The following PHF20L1 variants were observed in gnomAD, a reference collection of about 807,000 sequenced individuals.
PHF20L1 encodes PHD finger protein 20-like protein 1.
In PHF20L1, 44 loss-of-function variants were observed where a neutral mutation model predicts 125.5. That is an observed-to-expected ratio of 0.35 (90% CI 0.28 to 0.45). PHF20L1 has a LOEUF of 0.45. Among genes scored for constraint, PHF20L1 ranks in the 20% least tolerant of loss-of-function variants. PHF20L1 has a pLI of 1.00. For missense variants in PHF20L1, 1,012 were observed against 1,217.2 expected (o/e 0.83, Z 2.51); for synonymous variants, 380 against 403.1 (o/e 0.94, Z 0.69).
At chr8:132,784,279 G>C (rs976669105) in intron 2 of PHF20L1, among the ~76,000 whole-genome samples, 3 of 151,906 alleles carry the variant, frequency 2.0e-5, no homozygotes, top group Non-Finnish European at 4.4e-5. Context: ...GCTTATCCTA[G>C]TTTTTTTGAA....
At chr8:132,842,439 A>T in intron 18 of PHF20L1, 76 bp from the exon 19 acceptor site, 4 of 1,357,208 alleles carry the variant, frequency 2.9e-6, no homozygotes, top group Non-Finnish European at 4.0e-6. Flanking sequence ...CTAATTCTGA[A>T]ATAGATCATT....
At chr8:132,826,670 C>G (rs887477971) in intron 14 of PHF20L1, 2 of 151,910 alleles carry the variant, frequency 1.3e-5, no homozygotes, top group Non-Finnish European at 2.9e-5. Flanking sequence ...TAAAGAAAAA[C>G]TAGAGAATGA....
At position 132,839,545 on chromosome 8, in the gene PHF20L1, G is replaced by T. The variant is rs765343162; in HGVS notation, c.2350G>T (p.Val784Leu). 6.2e-7 allele frequency: 1 copy of T among 1,613,454 alleles called. No individual in the cohort carries two copies. Among genetic ancestry groups the T allele is most frequent in the Admixed American group, 1.7e-5 (1 of 59,920 alleles). ...LLADVYGVTE[V>L]LHGLQLKIGI... ...TGCTGATGTCTATGGTGTTACAGAAGTGCTACACGGGCTACAGCTGAAGAT... is the reference window on the plus strand; with the variant it reads ...TGCTGATGTCTATGGTGTTACAGAATTGCTACACGGGCTACAGCTGAAGAT... Residue 784 changes from valine (V) to leucine (L), a missense_variant, in exon 18 of 21, where the codon GTG (valine) becomes TTG (leucine). Transcript: ENST00000395386.
chr8:132,803,688 T>A, intron 6 of PHF20L1, 131 bp from the exon 7 acceptor site: 3 of 597,310 alleles, frequency 5.0e-6, no homozygotes, highest in Middle Eastern at 4.3e-4. Flanking sequence ...GTAAATATTG[T>A]TATCTCTATA....
At chr8:132,783,756 C>A (rs1479578606) in intron 2 of PHF20L1, among the ~76,000 whole-genome samples, 1 of 152,060 alleles carries the variant, frequency 6.6e-6, no homozygotes. Flanking sequence ...CCTTTGAAAA[C>A]CAATGCCAGC....
Position 132,814,702 on chromosome 8 carries a change from T to C in PHF20L1, c.996T>C (p.Thr332=), listed in dbSNP as rs372135850. 114 of 1,612,102 alleles carry C rather than the reference T, an allele frequency of 7.1e-5. 1 individual carries two copies. The highest frequency in any genetic ancestry group is 1.3e-5 in the Non-Finnish European group (15 of 1,178,672). ...CTGACATTAGCAGTTCTGCCAACAC[T>C]CAGAAACCTGCACTGTTATCCTCAA... The part of the protein sequence containing the change: ...NEADISSSAN[T]QKPALLSSTL... Residue 332 remains threonine (T), a synonymous_variant, in exon 10 of 21, where the codon ACT becomes ACC. Transcript: ENST00000395386.
chr8:132,833,529 C>G (rs1040101872), intron 15 of PHF20L1, among the ~76,000 whole-genome samples: 2 of 152,014 alleles, frequency 1.3e-5, no homozygotes, highest in African/African-American at 4.8e-5. Flanking sequence ...ATCATGGATC[C>G]TACCATGAGG....
intron 8 of PHF20L1, chr8:132,809,605 G>C (rs970016186): frequency 6.6e-6 from 1 of 152,178 alleles, no homozygotes; most frequent in African/African-American, 2.4e-5. Flanking sequence ...TTTTTCTCCT[G>C]TTAAATATGT....
At chr8:132,815,442 A>G (rs964674973) in intron 10 of PHF20L1, 5 of 151,896 alleles carry the variant, frequency 3.3e-5, no homozygotes, top group Admixed American at 6.6e-5. Flanking sequence ...CACCTTTCAC[A>G]TGGGTATATC....
At position 132,803,988 on chromosome 8, in the gene PHF20L1, A is replaced by G. The variant is rs1833392598; in HGVS notation, c.677A>G (p.Asp226Gly). 2 of 1,612,286 alleles carry G rather than the reference A, an allele frequency of 1.2e-6. No homozygotes were observed. Among genetic ancestry groups the G allele is most frequent in the Non-Finnish European group, 1.7e-6 (2 of 1,178,672 alleles). ...ACTTCAACTTGTATAGCCACACCAGACGTAGAGAAGAAGGAAGATCTGCCT... is the reference window on the plus strand; with the variant it reads ...ACTTCAACTTGTATAGCCACACCAGGCGTAGAGAAGAAGGAAGATCTGCCT... ...EETSTCIATP[D>G]VEKKEDLPTS... Residue 226 changes from aspartate to glycine, a missense_variant, in exon 7 of 21, where the codon GAC becomes GGC. By Grantham distance (94) the Asp-to-Gly change is moderately conservative (BLOSUM62 -1). This residue lies in a region of PHF20L1 where 134 missense variants were observed against 145.9 expected (regional missense o/e 0.92). Transcript: ENST00000395386.
chr8:132,778,217 G>A (rs1448907454), intron 2 of PHF20L1, among the ~76,000 whole-genome samples: 1 of 152,186 alleles, frequency 6.6e-6, no homozygotes, highest in African/African-American at 2.4e-5. Context: ...AGCTGTATTG[G>A]TGGAAGTAGA....
chr8:132,784,478 A>C (rs750156371), intron 2 of PHF20L1, among the ~76,000 whole-genome samples: 1 of 151,996 alleles, frequency 6.6e-6, no homozygotes, highest in Non-Finnish European at 1.5e-5. Flanking sequence ...CATTTTATCA[A>C]TTTTCACCTA....
chr8:132,826,869 T>C (rs1292138267), intron 14 of PHF20L1: 1 of 152,054 alleles, frequency 6.6e-6, no homozygotes, highest in East Asian at 1.9e-4. Context: ...TTATTAGATA[T>C]TTAATAAAAC....
chr8:132,840,393 C>T (rs942696792), intron 18 of PHF20L1, among the ~76,000 whole-genome samples: 2 of 152,058 alleles, frequency 1.3e-5, no homozygotes, highest in African/African-American at 2.4e-5. Context: ...TTCACATGAA[C>T]GATTGCCATG....
At chr8:132,777,310 T>G (rs1448459993) in intron 1 of PHF20L1, among the ~76,000 whole-genome samples, 1 of 152,346 alleles carries the variant, frequency 6.6e-6, no homozygotes, top group South Asian at 2.1e-4. Flanking sequence ...TTGTGTGCTG[T>G]AGGGCCTTAT....
chr8:132,823,652 A>G (rs1445863162), intron 12 of PHF20L1, among the ~76,000 whole-genome samples: 4 of 151,958 alleles, frequency 2.6e-5, no homozygotes, highest in African/African-American at 9.7e-5. Context: ...TGACTCACAT[A>G]ATCCTTATAA....
At chr8:132,786,078 A>G (rs1474988863) in intron 2 of PHF20L1, among the ~76,000 whole-genome samples, 1 of 152,118 alleles carries the variant, frequency 6.6e-6, no homozygotes, top group Non-Finnish European at 1.5e-5. Flanking sequence ...TGGATTGAAA[A>G]CTAAACATAA....
intron 8 of PHF20L1, among the ~76,000 whole-genome samples, chr8:132,806,023 G>C (rs1833651330): frequency 2.0e-5 from 3 of 151,970 alleles, no homozygotes; most frequent in Non-Finnish European, 4.4e-5. Flanking sequence ...CCAGTGCTAT[G>C]TGCTGGGCAG....
At chr8:132,791,562 C>T (rs1304894522) in intron 2 of PHF20L1, among the ~76,000 whole-genome samples, 4 of 152,036 alleles carry the variant, frequency 2.6e-5, no homozygotes, top group Admixed American at 1.3e-4. Context: ...CGAGTTGTTT[C>T]GTTTCCTTTT....
Sources: allele counts gnomAD v4.1 joint callset (sites outside exome capture counted in the v4.1 genomes callset), GRCh38; gene constraint gnomAD v4.1.1; regional missense constraint gnomAD v4.1.1; transcripts MANE v1.5; gene names NCBI Gene and HGNC (gene_info 2026-07-23, HGNC 2026-07-21).